EXOC1: variants seen among roughly 807,000 people sequenced by gnomAD.
The protein encoded by EXOC1 is exocyst complex component 1, also known as SEC3-like 1.
A neutral mutation model predicts 107.7 loss-of-function variants in EXOC1; 67 were observed. The ratio of observed to expected loss-of-function variants is 0.62; its 90% CI spans 0.51 to 0.76. The LOEUF (loss-of-function observed/expected upper bound fraction) is 0.76. Among genes scored for constraint, EXOC1 ranks in the 30% least tolerant of loss-of-function variants. EXOC1 has a pLI of 0.00. For missense variants in EXOC1, 833 were observed against 1,055.7 expected (o/e 0.79, Z 2.92); for synonymous variants, 348 against 353.5 (o/e 0.98, Z 0.17).
intron 9 of EXOC1, among the ~76,000 whole-genome samples, chr4:55,880,156 G>A (rs1352731638): frequency 6.6e-6 from 1 of 152,000 alleles, no homozygotes; most frequent in Non-Finnish European, 1.5e-5. Flanking sequence ...ACATTTTTAT[G>A]TATCAGTTTT....
intron 9 of EXOC1, among the ~76,000 whole-genome samples, chr4:55,880,620 A>G (rs947055027): frequency 6.6e-6 from 1 of 152,204 alleles, no homozygotes; most frequent in Non-Finnish European, 1.5e-5. Flanking sequence ...TGAATATTCA[A>G]ATAAGTAATC....
intron 1 of EXOC1, among the ~76,000 whole-genome samples, chr4:55,855,626 A>AGGGG (rs1720891900): frequency 6.6e-6 from 1 of 152,190 alleles, no homozygotes; most frequent in South Asian, 2.1e-4. Flanking sequence ...AGAGAGGTAG[A>AGGGG]AATTACTCTT....
Position 55,876,107 on chromosome 4 carries a change from G to C in EXOC1, c.1075-1810G>C, listed in dbSNP as rs376919135. On this transcript the variant is annotated intron_variant, in intron 8 of 18. Transcript: ENST00000381295. ...CATAGAAATAGATAATAGTCCAATGGTAATGCCTGTGTATTTTACTTAATA... is the reference window on the plus strand; with the variant it reads ...CATAGAAATAGATAATAGTCCAATGCTAATGCCTGTGTATTTTACTTAATA... 1,398 of 984,918 alleles carry C rather than the reference G, an allele frequency of 1.4e-3. 2 individuals carry two copies. Among genetic ancestry groups the C allele is most frequent in the Middle Eastern group, 0.011 (21 of 1,912 alleles). 61.0% of individuals were successfully genotyped at this position (984,918 alleles called of 1,614,324 possible). A position where few individuals can be genotyped will look rare whatever the true frequency, so the allele number is the denominator to read the frequency against.
Position 55,904,545 on chromosome 4 carries a change from G to C in EXOC1, c.*50G>C. On this transcript the variant is annotated 3_prime_UTR_variant, in exon 19 of 19. Transcript: ENST00000381295. The stretch of plus-strand genomic sequence containing the variant: ...CTGAATGAAGCATTTGAGTATAACA[G>C]ACACTATACCAAAATACCAAGCAAC... The C allele has an allele frequency of 6.5e-7, 1 of 1,527,152 alleles. No homozygotes were observed. The highest frequency in any genetic ancestry group is 8.8e-7 in the Non-Finnish European group (1 of 1,132,730). The allele number at this position is 1,527,152 out of a possible 1,614,324, so 94.6% of individuals were successfully genotyped here.
rs901964840 is a variant in EXOC1, at chr4:55,857,905, C to T, written c.-10-409C>T. On this transcript the variant is annotated intron_variant, in intron 1 of 18. Coordinates refer to ENST00000381295, the MANE Select transcript of EXOC1 (RefSeq NM_001024924.2). Reference sequence around the variant, plus strand: ...TTCCCTAGTGGCCAGTGATGTTAAGCATGTTTTCATATGCTTATTGGCCAT... The same window carrying T: ...TTCCCTAGTGGCCAGTGATGTTAAGTATGTTTTCATATGCTTATTGGCCAT... Among the ~76,000 whole-genome samples the T allele has an allele frequency of 2.6e-5, 4 of 152,188 alleles. No homozygotes were observed. The East Asian group carries it at 7.7e-4, about 29-fold the overall frequency.
At chr4:55,855,970 A>G (rs1009068859) in intron 1 of EXOC1, among the ~76,000 whole-genome samples, 3 of 152,326 alleles carry the variant, frequency 2.0e-5, no homozygotes, top group Non-Finnish European at 2.9e-5. Flanking sequence ...TGGCTTTTAT[A>G]TCCTCTGCAA....
intron 10 of EXOC1, among the ~76,000 whole-genome samples, chr4:55,886,911 T>G (rs1723941361): frequency 6.6e-6 from 1 of 152,174 alleles, no homozygotes; most frequent in South Asian, 2.1e-4. Context: ...TAACATCTAC[T>G]TAGCTGAAAT....
At chr4:55,854,193 C>G (rs1254285844) in intron 1 of EXOC1, among the ~76,000 whole-genome samples, 3 of 146,166 alleles carry the variant, frequency 2.1e-5, no homozygotes, top group Admixed American at 6.8e-5. Flanking sequence ...AACTCCCCCC[C>G]ACCCCCCGCC....
chr4:55,896,915 T>C lies in EXOC1; in HGVS notation c.2137+15T>C. 5 of 1,565,212 alleles carry C rather than the reference T, an allele frequency of 3.2e-6. No homozygotes were observed. Among genetic ancestry groups the C allele is most frequent in the Non-Finnish European group, 4.3e-6 (5 of 1,164,106 alleles). ...ATTTGTTAATGGTAAGCTTTTGTTATGTTCTAAAGAATTGTTATAGCTATT... is the reference window on the plus strand; with the variant it reads ...ATTTGTTAATGGTAAGCTTTTGTTACGTTCTAAAGAATTGTTATAGCTATT... On this transcript the variant is annotated intron_variant, in intron 16 of 18. Transcript: ENST00000381295.
At position 55,871,917 on chromosome 4, in the gene EXOC1, C is replaced by T. The variant is rs771792191; in HGVS notation, c.1033C>T (p.Arg345Trp). 1.2e-5 allele frequency: 19 copies of T among 1,613,534 alleles called. No individual in the cohort carries two copies. Among genetic ancestry groups the T allele is most frequent in the South Asian group, 4.4e-5 (4 of 91,066 alleles). The change falls in exon 8 of 19, where the codon CGG becomes TGG. Residue 345 changes from arginine (R) to tryptophan (W), a missense_variant. Arg to Trp is a moderately radical substitution (Grantham distance 101). This residue lies in a region of EXOC1 where 617 missense variants were observed against 701.3 expected (regional missense o/e 0.88). Coordinates refer to ENST00000381295, the MANE Select transcript of EXOC1 (RefSeq NM_001024924.2). ...RFSDLRELFA[R>W]RLASHLNNVF... ...CAGTGATTTGCGAGAGCTTTTTGCC[C>T]GGAGACTGGCCAGTCACCTCAACAA...
intron 12 of EXOC1, 91 bp from the exon 13 acceptor site, chr4:55,891,224 G>T: frequency 1.3e-6 from 1 of 764,590 alleles, no homozygotes; most frequent in Admixed American, 2.1e-5. Flanking sequence ...ATGGATCCAT[G>T]GTCTGTGCAG....
rs1200992787 is a variant in EXOC1 at position 55,864,313 on chromosome 4, C to T, written c.342C>T (p.Cys114=). Residue 114 remains cysteine (C), a synonymous_variant, in exon 4 of 19, where the codon TGC becomes TGT. Coordinates refer to ENST00000381295, the MANE Select transcript of EXOC1 (RefSeq NM_001024924.2). The stretch of plus-strand genomic sequence containing the variant: ...CTGAAAAGAATGCATTTATTTCATG[C>T]ATTTGGAAATTGAATCAGCGATATC... The part of the protein sequence containing the change: ...STAEKNAFIS[C]IWKLNQRYLR... 1.2e-6 allele frequency: 2 copies of T among 1,610,604 alleles called. No individual in the cohort carries two copies. The highest frequency in any genetic ancestry group is 1.3e-5 in the African/African-American group (1 of 74,824).
At chr4:55,856,794 G>A (rs980650980) in intron 1 of EXOC1, among the ~76,000 whole-genome samples, 5 of 152,006 alleles carry the variant, frequency 3.3e-5, no homozygotes, top group African/African-American at 1.2e-4. Context: ...GGAGATAAGT[G>A]GAAACCTATT....
At chr4:55,895,974 G>A (rs535072258) in intron 15 of EXOC1, among the ~76,000 whole-genome samples, 2 of 152,194 alleles carry the variant, frequency 1.3e-5, no homozygotes, top group South Asian at 2.1e-4. Flanking sequence ...ACTTGACCAC[G>A]TGGCCACCAA....
chr4:55,892,676 A>G lies in EXOC1; in HGVS notation c.1689A>G (p.Gln563=). 1 of 1,614,146 alleles carries G rather than the reference A, an allele frequency of 6.2e-7. No homozygotes were observed. The highest frequency in any genetic ancestry group is 8.5e-7 in the Non-Finnish European group (1 of 1,180,000). The change falls in exon 14 of 19, where the codon CAA becomes CAG. Residue 563 remains glutamine, a synonymous_variant. Transcript: ENST00000381295. Reference sequence around the variant, plus strand: ...TGGATGGAGGAACATTATCACGGCAACATAATTGTGGCACACCACTGCCTG... The same window carrying G: ...TGGATGGAGGAACATTATCACGGCAGCATAATTGTGGCACACCACTGCCTG... ...EDLDGGTLSR[Q]HNCGTPLPVS... is the part of the protein sequence containing the mutation.
intron 8 of EXOC1, chr4:55,872,680 C>G (rs1178254242): frequency 1.3e-5 from 7 of 542,560 alleles, no homozygotes; most frequent in Non-Finnish European, 1.6e-5. Flanking sequence ...TGCCTGAAAA[C>G]AATGGATTTT....
intron 8 of EXOC1, among the ~76,000 whole-genome samples, chr4:55,874,723 T>TCTTACACAC (rs1367732146): frequency 1.2e-4 from 18 of 152,134 alleles, no homozygotes; most frequent in African/African-American, 4.3e-4. Flanking sequence ...ATCTTTCAGA[T>TCTTACACAC]CTTACACACT....
intron 8 of EXOC1, chr4:55,876,180 G>T: frequency 1.0e-6 from 1 of 985,252 alleles, no homozygotes; most frequent in Non-Finnish European, 1.2e-6. Context: ...GAAAAGATAT[G>T]GTAGCCCAGG....
chr4:55,865,448 G>T (rs1374734643), intron 4 of EXOC1, among the ~76,000 whole-genome samples: 1 of 152,124 alleles, frequency 6.6e-6, no homozygotes, highest in Admixed American at 6.5e-5. Flanking sequence ...GAATCCCCAG[G>T]GTTGCCATCT....
Sources: gnomAD v4.1 joint callset for allele counts (sites outside exome capture counted in the v4.1 genomes callset) on GRCh38, gnomAD v4.1.1 for gene constraint, gnomAD v4.1.1 regional missense constraint, MANE v1.5 for transcripts, NCBI Gene and HGNC (gene_info 2026-07-23, HGNC 2026-07-21) for gene names.